The following RAB12 variants were observed in gnomAD, a reference collection of about 807,000 sequenced individuals.
RAB12 encodes RAB12, member RAS oncogene family, also known as ras-related protein Rab-12.
In RAB12, 11 loss-of-function variants were observed where a neutral mutation model predicts 28.4. The ratio of observed to expected loss-of-function variants is 0.39; its 90% CI spans 0.24 to 0.64. RAB12 has a LOEUF of 0.64. Among genes scored for constraint, RAB12 ranks in the 30% least tolerant of loss-of-function variants. RAB12 has a pLI of 0.50. For synonymous variants in RAB12, 138 were observed against 145.3 expected (o/e 0.95, Z 0.36); for missense variants, 276 against 351.1 (o/e 0.79, Z 1.71).
At chr18:8,623,600 C>A (rs954341509) in intron 1 of RAB12, among the ~76,000 whole-genome samples, 5 of 152,234 alleles carry the variant, frequency 3.3e-5, no homozygotes, top group Non-Finnish European at 7.3e-5. Context: ...AAGCCACTGT[C>A]TTCAAGTTCT....
chr18:8,627,235 G>A (rs1404226682), intron 2 of RAB12, among the ~76,000 whole-genome samples: 2 of 152,170 alleles, frequency 1.3e-5, no homozygotes, highest in African/African-American at 2.4e-5. Context: ...CTCATCCATT[G>A]AGGGCATAGA....
intron 3 of RAB12, chr18:8,635,152 T>C (rs920487834): frequency 1.3e-5 from 2 of 158,164 alleles, no homozygotes; most frequent in African/African-American, 4.8e-5. Context: ...GTGTGTTTTT[T>C]TAAATGCCTG....
chr18:8,636,515 C>G (rs192576299), intron 5 of RAB12, among the ~76,000 whole-genome samples, 158 bp downstream of exon 5: 1 of 152,192 alleles, frequency 6.6e-6, no homozygotes, highest in Admixed American at 6.5e-5. Context: ...CACAGGCACC[C>G]GGCCTGCTGT....
Position 8,639,194 on chromosome 18 carries a change from G to GTTTTTTTTTTTTTTTTTTTTTT in RAB12, c.*933_*934insTTTTTTTTTTTTTTTTTTTTTT, listed in dbSNP as rs2096021010. The GTTTTTTTTTTTTTTTTTTTTTT allele has an allele frequency of 4.2e-5, 1 of 23,700 alleles. No homozygotes were observed. Among genetic ancestry groups the GTTTTTTTTTTTTTTTTTTTTTT allele is most frequent in the Non-Finnish European group, 8.8e-5 (1 of 11,424 alleles). 1.5% of individuals were successfully genotyped at this position (23,700 alleles called of 1,614,324 possible). ...TTTTTTTTTTTTTTTTTTTTTTTTG[G>GTTTTTTTTTTTTTTTTTTTTTT]TCTGATGATGAATTTGTGAACTCTA... On this transcript the variant is annotated 3_prime_UTR_variant, in exon 6 of 6. Transcript: ENST00000649141.
At chr18:8,612,505 C>A (rs2096004395) in intron 1 of RAB12, among the ~76,000 whole-genome samples, 1 of 152,124 alleles carries the variant, frequency 6.6e-6, no homozygotes, top group East Asian at 1.9e-4. Flanking sequence ...TCTCCCTACC[C>A]TGTCAGGGCT....
chr18:8,635,885 C>A (rs2096018625), intron 4 of RAB12: 1 of 436,550 alleles, frequency 2.3e-6, no homozygotes, highest in Admixed American at 4.0e-5. Context: ...ATATTTTAAG[C>A]CATAAAGTTG....
At chr18:8,636,811 A>C (rs72938810) in intron 5 of RAB12, among the ~76,000 whole-genome samples, 3,670 of 152,284 alleles carry the variant, frequency 0.024, 69 homozygotes, top group South Asian at 0.076. Flanking sequence ...CCTTTCCATG[A>C]TGCTGAGTTG....
chr18:8,622,161 A>G (rs2096010217), intron 1 of RAB12, among the ~76,000 whole-genome samples: 1 of 152,230 alleles, frequency 6.6e-6, no homozygotes, highest in African/African-American at 2.4e-5. Context: ...GTCAATTTGA[A>G]GCAGAGCTCA....
intron 1 of RAB12, among the ~76,000 whole-genome samples, chr18:8,622,793 A>G (rs2096010609): frequency 6.6e-6 from 1 of 152,144 alleles, no homozygotes; most frequent in African/African-American, 2.4e-5. Flanking sequence ...AGCCTTGACC[A>G]TAGAAGACGG....
intron 2 of RAB12, 198 bp from the exon 3 acceptor site, chr18:8,632,991 T>C (rs1598313725): frequency 1.7e-6 from 1 of 591,110 alleles, no homozygotes. Flanking sequence ...TATAAAGGTA[T>C]TTTCTATGTC....
intron 4 of RAB12, 100 bp downstream of exon 4, chr18:8,635,722 T>A: frequency 1.4e-6 from 1 of 733,206 alleles, no homozygotes; most frequent in Non-Finnish European, 2.1e-6. Flanking sequence ...ACAAAGAAAT[T>A]ATCAATACAG....
intron 1 of RAB12, among the ~76,000 whole-genome samples, chr18:8,623,207 G>A (rs905388814): frequency 7.2e-5 from 11 of 152,174 alleles, no homozygotes; most frequent in African/African-American, 2.4e-4. Context: ...GATAAGTGTC[G>A]ATGGAATCTT....
At chr18:8,613,869 G>GTA (rs1567892104) in intron 1 of RAB12, among the ~76,000 whole-genome samples, 42 of 132,212 alleles carry the variant, frequency 3.2e-4, no homozygotes, top group African/African-American at 9.8e-4. Flanking sequence ...TAGTAGTAGT[G>GTA]GTCACTGCTA....
chr18:8,634,852 G>A (rs571412229), intron 3 of RAB12, among the ~76,000 whole-genome samples: 31 of 152,306 alleles, frequency 2.0e-4, no homozygotes, highest in Non-Finnish European at 3.7e-4. Flanking sequence ...CGACAAGTTA[G>A]TTGCTCAAGA....
chr18:8,610,817 G>C (rs1208635625), intron 1 of RAB12, among the ~76,000 whole-genome samples: 1 of 152,224 alleles, frequency 6.6e-6, no homozygotes, highest in Non-Finnish European at 1.5e-5. Context: ...TCACTTCCGT[G>C]ATAGGAAGTG....
At chr18:8,626,444 G>C (rs1480906952) in intron 2 of RAB12, among the ~76,000 whole-genome samples, 1 of 152,212 alleles carries the variant, frequency 6.6e-6, no homozygotes, top group Admixed American at 6.5e-5. Context: ...TGATGACTGT[G>C]GCACATGTCT....
chr18:8,609,635 G>A lies in RAB12; in HGVS notation c.196G>A (p.Ala66Thr). 1 of 588,130 alleles carries A rather than the reference G, an allele frequency of 1.7e-6. No individual in the cohort carries two copies. Among genetic ancestry groups the A allele is most frequent in the Non-Finnish European group, 2.1e-6 (1 of 469,624 alleles). 36.4% of individuals were successfully genotyped at this position (588,130 alleles called of 1,614,324 possible). Residue 66 changes from alanine (A) to threonine (T), a missense_variant, in exon 1 of 6, where the codon GCG becomes ACG. Physicochemically the swap from Ala to Thr is moderately conservative, Grantham distance 58 (BLOSUM62 0). Around this residue, in one of 4 missense-constraint regions of RAB12, gnomAD observed 72 missense variants for 55.5 expected, o/e 1.30. Coordinates refer to ENST00000649141, the MANE Select transcript of RAB12 (RefSeq NM_001025300.3). ...EAEPGADPPR[A>T]AEAEGAPGPG... ...CGAGCCCGGGGCCGACCCCCCGCGC[G>A]CGGCGGAGGCCGAGGGGGCGCCGGG... is the stretch of plus-strand genomic sequence containing the variant.
intron 4 of RAB12, chr18:8,636,040 G>A (rs956830177): frequency 3.0e-5 from 16 of 532,558 alleles, no homozygotes; most frequent in Admixed American, 1.4e-4. Flanking sequence ...GGAAGGTCCC[G>A]GCATCACCTT....
At chr18:8,624,857 A>G (rs911632459) in intron 1 of RAB12, 81 bp from the exon 2 acceptor site, 34 of 939,284 alleles carry the variant, frequency 3.6e-5, no homozygotes, top group Non-Finnish European at 5.4e-5. Context: ...TAATGATAAC[A>G]AAATACACAA....
Sources: gnomAD v4.1 joint callset for allele counts (sites outside exome capture counted in the v4.1 genomes callset) on GRCh38, gnomAD v4.1.1 for gene constraint, gnomAD v4.1.1 regional missense constraint, MANE v1.5 for transcripts, NCBI Gene and HGNC (gene_info 2026-07-23, HGNC 2026-07-21) for gene names.